ERC2: variants seen among roughly 807,000 people sequenced by gnomAD.
ERC2 encodes the protein ERC protein 2.
ERC2 carries 42 observed loss-of-function variants against 114.8 expected under a neutral mutation model. The ratio of observed to expected loss-of-function variants is 0.37; its 90% CI spans 0.29 to 0.47. The LOEUF is 0.47. Ranked by LOEUF, ERC2 falls within the 20% of genes least tolerant of loss-of-function variation. The pLI, the probability that ERC2 is intolerant of heterozygous loss-of-function variation, is 0.99. For synonymous variants in ERC2, 454 were observed against 425.5 expected, an observed-to-expected ratio of 1.07 and a Z score of -0.82; for missense variants, 939 against 1,150.7, an observed-to-expected ratio of 0.82 and a Z score of 2.66.
intron 17 of ERC2, among the ~76,000 whole-genome samples, chr3:55,594,759 C>G (rs2058054732): frequency 6.6e-6 from 1 of 152,170 alleles, no homozygotes; most frequent in Non-Finnish European, 1.5e-5. Flanking sequence ...GCTAGGATTA[C>G]AGGCATGAGC....
At chr3:55,860,392 C>T (rs569365505) in intron 14 of ERC2, among the ~76,000 whole-genome samples, 7 of 152,258 alleles carry the variant, frequency 4.6e-5, no homozygotes, top group South Asian at 2.1e-4. Flanking sequence ...CCGCCTCATC[C>T]GCCTCCTTTT....
intron 7 of ERC2, among the ~76,000 whole-genome samples, chr3:56,028,965 G>A (rs2149614937): frequency 6.6e-6 from 1 of 152,192 alleles, no homozygotes; most frequent in African/African-American, 2.4e-5. Context: ...TTATCAAGCT[G>A]AGATAGCTCT....
At chr3:55,767,184 G>C (rs1049679429) in intron 14 of ERC2, among the ~76,000 whole-genome samples, 3 of 152,238 alleles carry the variant, frequency 2.0e-5, no homozygotes, top group African/African-American at 7.2e-5. Context: ...TAGTCATGCA[G>C]ATAAAATGTA....
At chr3:55,641,523 C>T (rs1267587998) in intron 17 of ERC2, among the ~76,000 whole-genome samples, 2 of 124,294 alleles carry the variant, frequency 1.6e-5, no homozygotes, top group African/African-American at 6.5e-5. Flanking sequence ...GCACTATAGC[C>T]TGGGTGACAG....
rs780178563 is a variant in ERC2, at chr3:56,018,943, C to G, written c.1730G>C (p.Ser577Thr). The change falls in exon 8 of 18, where the codon AGT becomes ACT. Residue 577 changes from serine (S) to threonine (T), a missense_variant. Physicochemically the swap from Ser to Thr is moderately conservative, Grantham distance 58 (BLOSUM62 1). This residue lies in a region of ERC2 where 149 missense variants were observed against 254.6 expected (regional missense o/e 0.59). Coordinates refer to ENST00000288221, the MANE Select transcript of ERC2 (RefSeq NM_015576.3). ...DRVKSLQTDS[S>T]NTDTALATLE... The stretch of plus-strand genomic sequence containing the variant: ...CGTCGCCAGTGCAGTATCTGTATTA[C>G]TGGAATCCGTCTGCAAGGACTTCAC... 6.2e-7 allele frequency: 1 copy of G among 1,613,360 alleles called. No homozygotes were observed. Among genetic ancestry groups the G allele is most frequent in the East Asian group, 2.2e-5 (1 of 44,820 alleles).
chr3:55,888,351 A>G, intron 14 of ERC2, 38 bp downstream of exon 14: 4 of 1,611,588 alleles, frequency 2.5e-6, no homozygotes, highest in Non-Finnish European at 3.4e-6. Flanking sequence ...AAGAGAGGCT[A>G]GAAGAGAGAG....
intron 16 of ERC2, among the ~76,000 whole-genome samples, chr3:55,697,701 C>T (rs1035618938): frequency 7.9e-5 from 12 of 152,092 alleles, no homozygotes; most frequent in African/African-American, 1.4e-4. Context: ...ATGACCTACT[C>T]CCCTGACTTG....
chr3:56,255,222 A>G (rs1266779910), intron 3 of ERC2, among the ~76,000 whole-genome samples: 1 of 152,142 alleles, frequency 6.6e-6, no homozygotes. Flanking sequence ...CTTGTCCTCT[A>G]TGGATGTGTG....
intron 2 of ERC2, among the ~76,000 whole-genome samples, chr3:56,433,311 G>T (rs1449413843): frequency 6.6e-6 from 1 of 151,928 alleles, no homozygotes; most frequent in African/African-American, 2.4e-5. Context: ...CATTAAAAAA[G>T]AAAAGAAAAG....
At chr3:56,129,543 TCTC>T (rs2080081039) in intron 6 of ERC2, among the ~76,000 whole-genome samples, 1 of 152,160 alleles carries the variant, frequency 6.6e-6, no homozygotes, top group Non-Finnish European at 1.5e-5. Flanking sequence ...AATTCTGTCA[TCTC>T]CTTTTTAAAG....
intron 2 of ERC2, among the ~76,000 whole-genome samples, chr3:56,325,319 A>G (rs895152878): frequency 2.6e-5 from 4 of 151,926 alleles, no homozygotes; most frequent in African/African-American, 9.7e-5. Flanking sequence ...GGTGGTGGGC[A>G]CCTGCAGTCC....
chr3:55,613,451 C>A (rs999789452), intron 17 of ERC2, among the ~76,000 whole-genome samples: 1 of 152,162 alleles, frequency 6.6e-6, no homozygotes, highest in Non-Finnish European at 1.5e-5. Context: ...AGCTATGGAC[C>A]TTCACCATAG....
intron 3 of ERC2, among the ~76,000 whole-genome samples, chr3:56,197,270 G>A (rs1218207202): frequency 6.6e-6 from 1 of 152,132 alleles, no homozygotes; most frequent in Non-Finnish European, 1.5e-5. Flanking sequence ...AAATGGGAAT[G>A]GTGATAATGC....
intron 7 of ERC2, among the ~76,000 whole-genome samples, chr3:56,068,604 T>A (rs2076587421): frequency 2.0e-5 from 3 of 152,214 alleles, no homozygotes; most frequent in Admixed American, 2.0e-4. Flanking sequence ...ATTGGTTTGC[T>A]CTTGCTTCTC....
chr3:55,953,118 C>T (rs577274540), intron 12 of ERC2, among the ~76,000 whole-genome samples: 16 of 151,168 alleles, frequency 1.1e-4, no homozygotes, highest in East Asian at 9.8e-4. Context: ...GGCAGGAGAA[C>T]GGCGTGAACC....
At chr3:55,716,367 C>T (rs1274099241) in intron 15 of ERC2, among the ~76,000 whole-genome samples, 2 of 152,202 alleles carry the variant, frequency 1.3e-5, no homozygotes, top group Non-Finnish European at 2.9e-5. Context: ...GGTACTTCAG[C>T]CTCCATAACA....
chr3:55,875,351 C>A (rs976900096), intron 14 of ERC2, among the ~76,000 whole-genome samples: 11 of 152,174 alleles, frequency 7.2e-5, no homozygotes, highest in African/African-American at 2.7e-4. Context: ...GGCTGCAGTG[C>A]ACTCTGCAAA....
chr3:55,688,408 T>C (rs1373711143), intron 16 of ERC2, among the ~76,000 whole-genome samples: 1 of 152,074 alleles, frequency 6.6e-6, no homozygotes, highest in Non-Finnish European at 1.5e-5. Flanking sequence ...GGCCAGCAGC[T>C]GGGGAGCCAG....
chr3:55,807,844 GC>G (rs2059548943), intron 14 of ERC2, among the ~76,000 whole-genome samples: 1 of 152,084 alleles, frequency 6.6e-6, no homozygotes, highest in Non-Finnish European at 1.5e-5. Flanking sequence ...GCTTCTTTGG[GC>G]TTATTTAGAC....
Sources: gnomAD v4.1 joint callset for allele counts (sites outside exome capture counted in the v4.1 genomes callset) on GRCh38, gnomAD v4.1.1 for gene constraint, gnomAD v4.1.1 regional missense constraint, MANE v1.5 for transcripts, NCBI Gene and HGNC (gene_info 2026-07-23, HGNC 2026-07-21) for gene names.